Variants in IGF1R observed in about 807,000 individuals in gnomAD.
IGF1R encodes the protein insulin like growth factor 1 receptor.
In IGF1R, 44 loss-of-function variants were observed where a neutral mutation model predicts 144.6. The observed-to-expected ratio is 0.30, with a 90% CI of 0.24 to 0.39. The LOEUF is 0.39. Ranked by LOEUF, IGF1R falls within the 10% of genes least tolerant of loss-of-function variation. The pLI, the probability that IGF1R is intolerant of heterozygous loss-of-function variation, is 1.00. For synonymous variants in IGF1R, 795 were observed against 722.8 expected (o/e 1.10, Z -1.60); for missense variants, 1,355 against 1,833.7 (o/e 0.74, Z 4.77).
intron 20 of IGF1R, among the ~76,000 whole-genome samples, chr15:98,954,900 C>A (rs1422289599): frequency 6.6e-6 from 1 of 152,086 alleles, no homozygotes; most frequent in African/African-American, 2.4e-5. Flanking sequence ...TGTGACTGTT[C>A]CTTGGACAGT....
At chr15:98,876,449 CA>C (rs1328889208) in intron 2 of IGF1R, among the ~76,000 whole-genome samples, 1 of 152,042 alleles carries the variant, frequency 6.6e-6, no homozygotes, top group Non-Finnish European at 1.5e-5. Flanking sequence ...TTTGTACTGC[CA>C]AGATGGGGTT....
chr15:98,694,358 A>C (rs1234597742), intron 1 of IGF1R, among the ~76,000 whole-genome samples: 1 of 152,140 alleles, frequency 6.6e-6, no homozygotes, highest in Non-Finnish European at 1.5e-5. Context: ...ATCCATTAGC[A>C]TGCCTGTCAA....
intron 15 of IGF1R, among the ~76,000 whole-genome samples, chr15:98,931,232 G>C (rs912039743): frequency 5.3e-5 from 8 of 152,184 alleles, no homozygotes; most frequent in Admixed American, 1.3e-4. Context: ...GGCTGGACCG[G>C]ATTCATCAAA....
In IGF1R at chr15:98,790,408, C is replaced by T. The variant is rs139502460; in HGVS notation, c.640+82301C>T. On this transcript the variant is annotated intron_variant, in intron 2 of 20. Coordinates refer to ENST00000650285, the MANE Select transcript of IGF1R (RefSeq NM_000875.5). ...AGACCCTGCTTGTGAGCACAGAAAACGCCATAAGCTCCTCATGAAAGCATG... is the reference window on the plus strand; with the variant it reads ...AGACCCTGCTTGTGAGCACAGAAAATGCCATAAGCTCCTCATGAAAGCATG... 5.1e-3 allele frequency among the ~76,000 whole-genome samples: 777 copies of T among 152,306 alleles called. 12 individuals are homozygous for T. The highest frequency in any genetic ancestry group is 0.018 in the African/African-American group (728 of 41,556).
chr15:98,804,685 C>T lies in IGF1R; in HGVS notation c.641-86640C>T, dbSNP rs191998998. On this transcript the variant is annotated intron_variant, in intron 2 of 20. Transcript: ENST00000650285. ...GACACTCAGAAAATACCTGCTAATC[C>T]GTTTACTGGAAGATACAGGGAGCTG... is the stretch of plus-strand genomic sequence containing the variant. 1.6e-3 allele frequency among the ~76,000 whole-genome samples: 243 copies of T among 152,246 alleles called. 2 individuals are homozygous for T. The highest frequency in any genetic ancestry group is 5.4e-3 in the African/African-American group (225 of 41,546).
intron 2 of IGF1R, among the ~76,000 whole-genome samples, chr15:98,767,039 C>T (rs45551642): frequency 0.056 from 8,473 of 152,166 alleles, 281 homozygotes; most frequent in East Asian, 0.12. Context: ...ATTGCCTACT[C>T]GCCCAGTGGT....
At chr15:98,766,923 A>G (rs1295841715) in intron 2 of IGF1R, among the ~76,000 whole-genome samples, 1 of 152,208 alleles carries the variant, frequency 6.6e-6, no homozygotes, top group East Asian at 1.9e-4. Flanking sequence ...GAAAAACTCC[A>G]GCTCATCCAG....
chr15:98,663,707 G>C (rs545708258), intron 1 of IGF1R, among the ~76,000 whole-genome samples: 2 of 152,320 alleles, frequency 1.3e-5, no homozygotes, highest in Non-Finnish European at 2.9e-5. Flanking sequence ...GCTGGTTCTG[G>C]GCTGGGCCAG....
intron 2 of IGF1R, among the ~76,000 whole-genome samples, chr15:98,856,565 C>CT (rs2011830349): frequency 6.6e-6 from 1 of 152,148 alleles, no homozygotes; most frequent in African/African-American, 2.4e-5. Flanking sequence ...AGATACTGAG[C>CT]TGTAGCATGC....
chr15:98,765,307 CCTTTTT>C (rs374027489), intron 2 of IGF1R, among the ~76,000 whole-genome samples: 2,702 of 116,134 alleles, frequency 0.023, 122 homozygotes, highest in African/African-American at 0.079. Context: ...CATGCCAACA[CCTTTTT>C]TTTTTTTTTT....
intron 3 of IGF1R, among the ~76,000 whole-genome samples, chr15:98,895,191 C>CA (rs2014121592): frequency 6.7e-6 from 1 of 149,820 alleles, no homozygotes; most frequent in Admixed American, 6.7e-5. Context: ...TGTGATTACA[C>CA]AAATCTACAC....
At chr15:98,717,428 C>T (rs1596228073) in intron 2 of IGF1R, among the ~76,000 whole-genome samples, 1 of 152,152 alleles carries the variant, frequency 6.6e-6, no homozygotes, top group African/African-American at 2.4e-5. Flanking sequence ...TGTTCACTAC[C>T]ATAACTAAAT....
intron 2 of IGF1R, among the ~76,000 whole-genome samples, chr15:98,841,846 G>T (rs2011180006): frequency 6.6e-6 from 1 of 152,162 alleles, no homozygotes; most frequent in African/African-American, 2.4e-5. Context: ...CCCCTGTGCT[G>T]ATACACTTAC....
At chr15:98,793,500 C>T (rs1255535537) in intron 2 of IGF1R, among the ~76,000 whole-genome samples, 1 of 152,130 alleles carries the variant, frequency 6.6e-6, no homozygotes, top group Non-Finnish European at 1.5e-5. Flanking sequence ...TACCAGCAGT[C>T]AGAATACATT....
At chr15:98,842,095 G>A (rs541892276) in intron 2 of IGF1R, among the ~76,000 whole-genome samples, 31 of 152,254 alleles carry the variant, frequency 2.0e-4, no homozygotes, top group African/African-American at 6.3e-4. Flanking sequence ...ATGTAATAAC[G>A]AAGATGGCCT....
chr15:98,700,330 G>C (rs965885299), intron 1 of IGF1R, among the ~76,000 whole-genome samples: 1 of 152,122 alleles, frequency 6.6e-6, no homozygotes, highest in Non-Finnish European at 1.5e-5. Context: ...TTCTGAGAGA[G>C]AGAATGTCAA....
chr15:98,672,410 C>A lies in IGF1R; in HGVS notation c.94+22735C>A, dbSNP rs28592128. 4.6e-3 allele frequency among the ~76,000 whole-genome samples: 706 copies of A among 151,966 alleles called. 9 individuals carry two copies. The highest frequency in any genetic ancestry group is 0.016 in the African/African-American group (673 of 41,444). On this transcript the variant is annotated intron_variant, in intron 1 of 20. Coordinates refer to ENST00000650285, the MANE Select transcript of IGF1R (RefSeq NM_000875.5). ...CGAAACCCCGTCTCTACGAAAAATACAATACAAAAATTAGCCGCGTGTGGT... is the reference window on the plus strand; with the variant it reads ...CGAAACCCCGTCTCTACGAAAAATAAAATACAAAAATTAGCCGCGTGTGGT...
At chr15:98,951,590 G>A (rs1335971970) in intron 20 of IGF1R, among the ~76,000 whole-genome samples, 3 of 152,238 alleles carry the variant, frequency 2.0e-5, no homozygotes, top group Admixed American at 6.5e-5. Context: ...AGCCCTTCTC[G>A]CGGTTGCAGC....
chr15:98,694,161 C>T (rs910217797), intron 1 of IGF1R, among the ~76,000 whole-genome samples: 4 of 152,014 alleles, frequency 2.6e-5, no homozygotes, highest in African/African-American at 9.7e-5. Flanking sequence ...CATAATTGTT[C>T]GTGTCTACAT....
Sources: gnomAD v4.1 joint callset for allele counts (sites outside exome capture counted in the v4.1 genomes callset) on GRCh38, gnomAD v4.1.1 for gene constraint, MANE v1.5 for transcripts, NCBI Gene and HGNC (gene_info 2026-07-23, HGNC 2026-07-21) for gene names.